DTNA: variants seen among roughly 807,000 people sequenced by gnomAD.
DTNA encodes dystrobrevin alpha, also known as dystrophin-related protein 3.
DTNA carries 43 observed loss-of-function variants against 100.7 expected under a neutral mutation model. The observed-to-expected ratio is 0.43, with a 90% CI of 0.33 to 0.55. The LOEUF (loss-of-function observed/expected upper bound fraction) is 0.55. Ranked by LOEUF, DTNA falls within the 20% of genes least tolerant of loss-of-function variation. The pLI, the probability that DTNA is intolerant of heterozygous loss-of-function variation, is 0.04. For missense variants in DTNA, 798 were observed against 953.9 expected, an observed-to-expected ratio of 0.84 and a Z score of 2.15; for synonymous variants, 349 against 347.9, an observed-to-expected ratio of 1.00 and a Z score of -0.04.
chr18:34,590,747 C>G (rs532644845), intron 1 of DTNA, among the ~76,000 whole-genome samples: 1 of 152,202 alleles, frequency 6.6e-6, no homozygotes, highest in Non-Finnish European at 1.5e-5. Flanking sequence ...TTTTTCTGAT[C>G]TAATCCTAAT....
chr18:34,590,245 G>A (rs746046906), intron 1 of DTNA, among the ~76,000 whole-genome samples: 1 of 152,096 alleles, frequency 6.6e-6, no homozygotes, highest in Non-Finnish European at 1.5e-5. Flanking sequence ...TTTATGTAAA[G>A]TTTTTCTACT....
chr18:34,539,546 T>C (rs1203963078), intron 1 of DTNA, among the ~76,000 whole-genome samples: 3 of 151,970 alleles, frequency 2.0e-5, no homozygotes, highest in Non-Finnish European at 4.4e-5. Context: ...CAGGCTAGTT[T>C]AGTGTGATTA....
chr18:34,715,266 A>G (rs1186735088), intron 1 of DTNA, among the ~76,000 whole-genome samples: 3 of 152,202 alleles, frequency 2.0e-5, no homozygotes, highest in Non-Finnish European at 4.4e-5. Flanking sequence ...TGTGTGGGTC[A>G]GTATCTGACA....
At chr18:34,832,065 G>T (rs1450014974) in intron 11 of DTNA, among the ~76,000 whole-genome samples, 1 of 152,130 alleles carries the variant, frequency 6.6e-6, no homozygotes, top group Non-Finnish European at 1.5e-5. Context: ...AAATAGTTGT[G>T]ATTTGATCAT....
At position 34,888,113 on chromosome 18, in the gene DTNA, T is replaced by C; in HGVS notation, c.*379T>C. 2 of 985,908 alleles carry C rather than the reference T, an allele frequency of 2.0e-6. No homozygotes were observed. Among genetic ancestry groups the C allele is most frequent in the Non-Finnish European group, 2.4e-6 (2 of 829,952 alleles). The allele number at this position is 985,908 out of a possible 1,614,324, so 61.1% of individuals were successfully genotyped here. A position where few individuals can be genotyped will look rare whatever the true frequency, so the allele number is the denominator to read the frequency against. On this transcript the variant is annotated 3_prime_UTR_variant, in exon 23 of 23. Transcript: ENST00000444659. The stretch of plus-strand genomic sequence containing the variant: ...AGGCTGAAAACCCATGCTGCTGTTA[T>C]ACACAATGGCAGTATTAACAAGCAT...
intron 1 of DTNA, among the ~76,000 whole-genome samples, chr18:34,671,395 C>A (rs1221120006): frequency 6.6e-6 from 1 of 152,166 alleles, no homozygotes. Flanking sequence ...GGCAATGCCT[C>A]GCCCTGCTTT....
intron 1 of DTNA, among the ~76,000 whole-genome samples, chr18:34,625,391 T>C (rs540210316): frequency 6.6e-6 from 1 of 152,298 alleles, no homozygotes; most frequent in South Asian, 2.1e-4. Context: ...CAGGCTGGTC[T>C]GGAACTCCTG....
intron 1 of DTNA, among the ~76,000 whole-genome samples, chr18:34,565,425 G>T (rs2046997580): frequency 6.6e-6 from 1 of 152,156 alleles, no homozygotes; most frequent in Admixed American, 6.5e-5. Context: ...TACTGTATTG[G>T]CTTCCTAGGG....
chr18:34,712,881 C>G (rs956057794), intron 1 of DTNA, among the ~76,000 whole-genome samples: 10 of 151,862 alleles, frequency 6.6e-5, no homozygotes, highest in African/African-American at 2.2e-4. Flanking sequence ...AAAAAACAAC[C>G]ATATTGAGTA....
rs1423300712 is a variant in DTNA at position 34,544,786 on chromosome 18, G to C, written c.-2+51272G>C. 2.0e-5 allele frequency among the ~76,000 whole-genome samples: 3 copies of C among 151,772 alleles called. No individual in the cohort carries two copies. In the East Asian group the frequency reaches 5.8e-4, roughly 29 times the overall value. ...CTCAAGGTCAGGTAATTACTGGGCAGAAAAGAGTGCTGGTTTCTCGGTGTT... is the reference window on the plus strand; with the variant it reads ...CTCAAGGTCAGGTAATTACTGGGCACAAAAGAGTGCTGGTTTCTCGGTGTT... On this transcript the variant is annotated intron_variant, in intron 1 of 19. Transcript: ENST00000283365.
intron 1 of DTNA, among the ~76,000 whole-genome samples, chr18:34,658,478 G>A (rs187168571): frequency 3.3e-4 from 50 of 152,112 alleles, no homozygotes; most frequent in Admixed American, 6.5e-4. Flanking sequence ...TCAGCCTCCC[G>A]AGTTGCTGAG....
At chr18:34,605,195 A>C (rs532211134) in intron 1 of DTNA, among the ~76,000 whole-genome samples, 1 of 152,106 alleles carries the variant, frequency 6.6e-6, no homozygotes, top group East Asian at 1.9e-4. Context: ...TGTTACTGCA[A>C]ACTTTTTAAA....
intron 13 of DTNA, among the ~76,000 whole-genome samples, chr18:34,841,043 C>T (rs1465895794): frequency 4.6e-5 from 7 of 152,056 alleles, no homozygotes; most frequent in Non-Finnish European, 2.9e-5. Flanking sequence ...ATGCCAAGCT[C>T]TATGTTCAGA....
chr18:34,816,001 A>C lies in DTNA; in HGVS notation c.696A>C (p.Ala232=). 1 of 1,613,684 alleles carries C rather than the reference A, an allele frequency of 6.2e-7. No homozygotes were observed. Among genetic ancestry groups the C allele is most frequent in the Non-Finnish European group, 8.5e-7 (1 of 1,179,628 alleles). The change falls in exon 7 of 23, where the codon GCA becomes GCC. Residue 232 remains alanine, a synonymous_variant. Transcript: ENST00000444659. ...LVWLPLLHRL[A]NVENVFHPVE... ...GGTTGCCTCTTCTGCATCGACTAGC[A>C]AATGTGGAAAATGGTGAGTAGTTAC...
chr18:34,819,155 G>A (rs533083315), intron 8 of DTNA, among the ~76,000 whole-genome samples: 13 of 152,222 alleles, frequency 8.5e-5, no homozygotes, highest in East Asian at 1.9e-4. Flanking sequence ...GAATAGTTCC[G>A]TCACAAGAAA....
chr18:34,692,981 A>C (rs71363464), intron 1 of DTNA, among the ~76,000 whole-genome samples: 8,400 of 152,310 alleles, frequency 0.055, 304 homozygotes, highest in Non-Finnish European at 0.077. Flanking sequence ...CACTTCTTAA[A>C]GAAGTACATA....
chr18:34,859,365 C>T (rs779563905), intron 16 of DTNA, among the ~76,000 whole-genome samples: 12 of 152,182 alleles, frequency 7.9e-5, no homozygotes, highest in Non-Finnish European at 1.0e-4. Context: ...AGCCAGCTCC[C>T]GTAAGCGGTT....
chr18:34,667,665 G>A (rs2076134520), intron 1 of DTNA, among the ~76,000 whole-genome samples: 2 of 152,106 alleles, frequency 1.3e-5, no homozygotes, highest in Non-Finnish European at 1.5e-5. Flanking sequence ...GGCCTTTTCT[G>A]CATCTATTTA....
intron 1 of DTNA, among the ~76,000 whole-genome samples, chr18:34,600,288 G>A (rs921739142): frequency 1.3e-5 from 2 of 152,080 alleles, no homozygotes; most frequent in African/African-American, 4.8e-5. Flanking sequence ...ACTGGACTTG[G>A]CATTTTTGCA....
Sources: allele counts gnomAD v4.1 joint callset (sites outside exome capture counted in the v4.1 genomes callset), GRCh38; gene constraint gnomAD v4.1.1; transcripts MANE v1.5; gene names NCBI Gene and HGNC (gene_info 2026-07-23, HGNC 2026-07-21).